The following GPATCH8 variants were observed in gnomAD, a reference collection of about 807,000 sequenced individuals.
The protein encoded by GPATCH8 is G-patch domain containing 8.
In GPATCH8, 18 loss-of-function variants were observed where a neutral mutation model predicts 118.3. The observed-to-expected ratio is 0.15, with a 90% CI of 0.11 to 0.23. The LOEUF (loss-of-function observed/expected upper bound fraction) is 0.23. GPATCH8 is among the 10% of genes least tolerant of loss of function. GPATCH8 has a pLI of 1.00. For missense variants in GPATCH8, 1,631 were observed against 1,873.8 expected (o/e 0.87, Z 2.39); for synonymous variants, 659 against 684.7 (o/e 0.96, Z 0.59).
chr17:44,461,187 T>C (rs944696295), intron 3 of GPATCH8, among the ~76,000 whole-genome samples: 2 of 152,174 alleles, frequency 1.3e-5, no homozygotes, highest in African/African-American at 4.8e-5. Flanking sequence ...ATTTTATTTA[T>C]TTATTTATTT....
In GPATCH8 at chr17:44,397,205, T is replaced by C. The variant is rs545144890; in HGVS notation, c.*363A>G. On this transcript the variant is annotated 3_prime_UTR_variant, in exon 8 of 8. Coordinates refer to ENST00000591680, the MANE Select transcript of GPATCH8 (RefSeq NM_001002909.4). ...ACCCACTGGCCAGAGGGGAGGAAAA[T>C]GTTTTAAAATTTACAGAAGGGAAGA... 1 of 470,986 alleles carries C rather than the reference T, an allele frequency of 2.1e-6. No individual in the cohort carries two copies. Among genetic ancestry groups the C allele is most frequent in the Admixed American group, 2.3e-5 (1 of 42,956 alleles). 29.2% of individuals were successfully genotyped at this position (470,986 alleles called of 1,614,324 possible). A position where few individuals can be genotyped will look rare whatever the true frequency, so the allele number is the denominator to read the frequency against.
At chr17:44,487,684 T>C (rs1262861642) in intron 1 of GPATCH8, among the ~76,000 whole-genome samples, 1 of 152,198 alleles carries the variant, frequency 6.6e-6, no homozygotes, top group African/African-American at 2.4e-5. Context: ...TGGGTGTGCC[T>C]TTGGTTTTCC....
At chr17:44,486,727 C>T (rs1299088947) in intron 1 of GPATCH8, 3 of 152,076 alleles carry the variant, frequency 2.0e-5, no homozygotes, top group Admixed American at 1.3e-4. Context: ...CTCCTTTCTC[C>T]GTTTCATTTC....
rs1194273966 is a variant in GPATCH8 at position 44,395,844 on chromosome 17, C to T, written c.*1724G>A. ...AAATGCCAAAGTGGGAATTGTTAAC[C>T]TCATCAAAGGAGATGGGACCTGCAA... On this transcript the variant is annotated 3_prime_UTR_variant, in exon 8 of 8. Coordinates refer to ENST00000591680, the MANE Select transcript of GPATCH8 (RefSeq NM_001002909.4). 3 of 453,982 alleles carry T rather than the reference C, an allele frequency of 6.6e-6. No homozygotes were observed. The highest frequency in any genetic ancestry group is 1.3e-5 in the Non-Finnish European group (3 of 226,802). 28.1% of individuals were successfully genotyped at this position (453,982 alleles called of 1,614,324 possible). A position where few individuals can be genotyped will look rare whatever the true frequency, so the allele number is the denominator to read the frequency against.
intron 3 of GPATCH8, among the ~76,000 whole-genome samples, chr17:44,451,862 C>G (rs538103915): frequency 1.3e-5 from 2 of 152,246 alleles, no homozygotes; most frequent in South Asian, 4.1e-4. Context: ...TTCTCACCAC[C>G]ATCATATCTC....
At chr17:44,483,183 A>ATATATATC (rs1968458867) in intron 1 of GPATCH8, among the ~76,000 whole-genome samples, 1 of 28,432 alleles carries the variant, frequency 3.5e-5, no homozygotes, top group Non-Finnish European at 7.0e-5. Context: ...AAAAATATAT[A>ATATATATC]TATATATATA....
chr17:44,488,222 C>G (rs568569976), intron 1 of GPATCH8, among the ~76,000 whole-genome samples: 2 of 122,360 alleles, frequency 1.6e-5, no homozygotes, highest in African/African-American at 5.9e-5. Flanking sequence ...CGTGCCTGAC[C>G]CTTTTTTTTT....
At chr17:44,467,049 C>G (rs1462344344) in intron 2 of GPATCH8, 6 of 935,994 alleles carry the variant, frequency 6.4e-6, no homozygotes, top group Non-Finnish European at 9.0e-6. Flanking sequence ...AAGCAGTATG[C>G]TATTTCCAAA....
chr17:44,464,490 A>G lies in GPATCH8; in HGVS notation c.175T>C (p.Leu59=). ...QKHGWKLGQG[L]GKSLQGRTDP... ...CACTTACCCTGAAGAGATTTTCCCAATCCCTGGCCCAGCTTCCACCCATGT... is the reference window on the plus strand; with the variant it reads ...CACTTACCCTGAAGAGATTTTCCCAGTCCCTGGCCCAGCTTCCACCCATGT... Residue 59 remains leucine (L), a synonymous_variant, in exon 3 of 8, where the codon TTG becomes CTG. Transcript: ENST00000591680. 4 of 1,595,836 alleles carry G rather than the reference A, an allele frequency of 2.5e-6. No homozygotes were observed. Among genetic ancestry groups the G allele is most frequent in the Non-Finnish European group, 3.4e-6 (4 of 1,164,090 alleles).
chr17:44,489,600 A>G (rs1475903219), intron 1 of GPATCH8, among the ~76,000 whole-genome samples: 1 of 152,096 alleles, frequency 6.6e-6, no homozygotes, highest in African/African-American at 2.4e-5. Context: ...TCGGCCTCCC[A>G]AAGGGCTGGG....
chr17:44,474,992 TTTTC>T (rs1967623414), intron 1 of GPATCH8, 89 bp from the exon 2 acceptor site: 17 of 712,060 alleles, frequency 2.4e-5, no homozygotes, highest in South Asian at 4.7e-5. Flanking sequence ...TATTTTTAAC[TTTTC>T]TTTTTTTTTT....
intron 5 of GPATCH8, among the ~76,000 whole-genome samples, chr17:44,425,840 C>T (rs1412086085): frequency 6.6e-6 from 1 of 152,010 alleles, no homozygotes; most frequent in African/African-American, 2.4e-5. Context: ...CAAATTTAAG[C>T]AACAAAACTA....
chr17:44,460,515 A>C (rs982289750), intron 3 of GPATCH8, among the ~76,000 whole-genome samples: 3 of 152,198 alleles, frequency 2.0e-5, no homozygotes, highest in African/African-American at 7.2e-5. Context: ...CAATCTATTC[A>C]GTAACAAGAC....
At chr17:44,495,961 A>G (rs1420018951) in intron 1 of GPATCH8, among the ~76,000 whole-genome samples, 2 of 152,108 alleles carry the variant, frequency 1.3e-5, no homozygotes, top group Non-Finnish European at 2.9e-5. Context: ...TCCACCTCCC[A>G]GGTTCAAGAG....
intron 6 of GPATCH8, among the ~76,000 whole-genome samples, chr17:44,406,584 A>G (rs1315121251): frequency 6.7e-6 from 1 of 148,844 alleles, no homozygotes; most frequent in African/African-American, 2.5e-5. Context: ...TTTCAGCATG[A>G]GTAGAGGTTT....
At chr17:44,430,629 G>A (rs2050271345) in intron 5 of GPATCH8, among the ~76,000 whole-genome samples, 1 of 151,442 alleles carries the variant, frequency 6.6e-6, no homozygotes, top group Admixed American at 6.6e-5. Context: ...AAGACGACAG[G>A]AATGTTCACT....
At chr17:44,412,007 C>T (rs1205132976) in intron 6 of GPATCH8, among the ~76,000 whole-genome samples, 2 of 152,204 alleles carry the variant, frequency 1.3e-5, no homozygotes, top group African/African-American at 2.4e-5. Context: ...ACCGCAACCT[C>T]TGCCTCCCAG....
chr17:44,474,996 CTTT>C (rs960355933), intron 1 of GPATCH8, 93 bp from the exon 2 acceptor site: 36 of 626,084 alleles, frequency 5.8e-5, no homozygotes, highest in Non-Finnish European at 5.8e-5. Context: ...TTTAACTTTT[CTTT>C]TTTTTTTTTA....
chr17:44,494,535 T>C (rs1179740966), intron 1 of GPATCH8, among the ~76,000 whole-genome samples: 1 of 152,126 alleles, frequency 6.6e-6, no homozygotes, highest in Non-Finnish European at 1.5e-5. Context: ...GAGGTTGCAG[T>C]GAGCCAAGAC....
Sources: allele counts gnomAD v4.1 joint callset (sites outside exome capture counted in the v4.1 genomes callset), GRCh38; gene constraint gnomAD v4.1.1; transcripts MANE v1.5; gene names NCBI Gene and HGNC (gene_info 2026-07-23, HGNC 2026-07-21).